The following ARHGAP22 variants were observed in gnomAD, a reference collection of about 807,000 sequenced individuals.
ARHGAP22 encodes Rho GTPase activating protein 22, also known as rho GTPase-activating protein 22.
Under a neutral mutation model 59.1 loss-of-function variants are expected in ARHGAP22, and 48 were observed. The ratio of observed to expected loss-of-function variants is 0.81; its 90% CI spans 0.64 to 1.03. The LOEUF is 1.03. Among genes scored for constraint, ARHGAP22 ranks in the 50% least tolerant of loss-of-function variants. ARHGAP22 has a pLI of 0.00. For synonymous variants in ARHGAP22, 445 were observed against 416.4 expected (o/e 1.07, Z -0.84); for missense variants, 1,015 against 958.7 (o/e 1.06, Z -0.78).
intron 9 of ARHGAP22, among the ~76,000 whole-genome samples, chr10:48,446,993 C>T (rs1457870550): frequency 6.6e-6 from 1 of 152,170 alleles, no homozygotes; most frequent in African/African-American, 2.4e-5. Context: ...GGCCTTTGCT[C>T]CTGTGCTGTG....
chr10:48,639,014 T>C (rs1338016712), intron 1 of ARHGAP22, among the ~76,000 whole-genome samples: 1 of 152,234 alleles, frequency 6.6e-6, no homozygotes, highest in Non-Finnish European at 1.5e-5. Flanking sequence ...ATCAGAAAAG[T>C]AGTTATGCTT....
At chr10:48,535,396 C>T (rs1304213674) in intron 3 of ARHGAP22, among the ~76,000 whole-genome samples, 1 of 152,322 alleles carries the variant, frequency 6.6e-6, no homozygotes, top group African/African-American at 2.4e-5. Flanking sequence ...CCTTCTAGGA[C>T]CTCAGTGTCC....
At chr10:48,576,813 C>T (rs1329479527) in intron 2 of ARHGAP22, among the ~76,000 whole-genome samples, 1 of 152,070 alleles carries the variant, frequency 6.6e-6, no homozygotes, top group Non-Finnish European at 1.5e-5. Context: ...TTATGTTACT[C>T]CTTTTTGATT....
chr10:48,472,973 T>C (rs1447097189), intron 4 of ARHGAP22, among the ~76,000 whole-genome samples: 1 of 152,186 alleles, frequency 6.6e-6, no homozygotes, highest in Non-Finnish European at 1.5e-5. Flanking sequence ...TACCATATGA[T>C]CTAGCAATCC....
At chr10:48,652,260 C>G in exon 1 of ARHGAP22, 1 of 1,535,644 alleles carries the variant, frequency 6.5e-7, no homozygotes. Context: ...AAACGTCCTC[C>G]TTTTGCTGGA....
At chr10:48,433,034 T>A in the ARHGAP22 span, among the ~76,000 whole-genome samples, 1 of 152,202 alleles carries the variant, frequency 6.6e-6, no homozygotes. Flanking sequence ...TGCCTTCCTA[T>A]CTTTGTTTTG....
chr10:48,482,293 T>C (rs1378328171), intron 3 of ARHGAP22, among the ~76,000 whole-genome samples: 2 of 152,228 alleles, frequency 1.3e-5, no homozygotes, highest in East Asian at 1.9e-4. Flanking sequence ...GAAGGTGTAA[T>C]TGAAGTTCAT....
intron 3 of ARHGAP22, among the ~76,000 whole-genome samples, chr10:48,490,926 T>C (rs1399446500): frequency 2.0e-5 from 3 of 152,132 alleles, no homozygotes; most frequent in Admixed American, 6.5e-5. Flanking sequence ...CTCCTATCCA[T>C]TCCTCTCAGC....
chr10:48,572,481 C>T (rs550249769), intron 2 of ARHGAP22, among the ~76,000 whole-genome samples: 1 of 152,222 alleles, frequency 6.6e-6, no homozygotes, highest in Admixed American at 6.5e-5. Flanking sequence ...ACACAGAGGG[C>T]CTTCATGTCC....
chr10:48,593,651 A>C (rs538453581), intron 1 of ARHGAP22, among the ~76,000 whole-genome samples: 1 of 152,254 alleles, frequency 6.6e-6, no homozygotes, highest in African/African-American at 2.4e-5. Flanking sequence ...GAGAGGATTC[A>C]TGTGCTGGGC....
intron 3 of ARHGAP22, among the ~76,000 whole-genome samples, chr10:48,553,386 T>C (rs1443702674): frequency 6.6e-6 from 1 of 152,216 alleles, no homozygotes; most frequent in African/African-American, 2.4e-5. Flanking sequence ...GGAACTTTCC[T>C]TCCCATAACA....
At chr10:48,432,725 G>A in the ARHGAP22 span, among the ~76,000 whole-genome samples, 272 of 152,280 alleles carry the variant, frequency 1.8e-3, 1 homozygote, top group African/African-American at 6.3e-3. Flanking sequence ...ATGAGTTAGA[G>A]CATTTGTATT....
chr10:48,593,242 C>T (rs749330654), intron 1 of ARHGAP22, among the ~76,000 whole-genome samples: 80 of 152,334 alleles, frequency 5.3e-4, no homozygotes, highest in Non-Finnish European at 9.3e-4. Context: ...TCCATTTCTC[C>T]TTCCTGCTTT....
chr10:48,638,755 C>T (rs960307827), intron 1 of ARHGAP22, among the ~76,000 whole-genome samples: 2 of 152,126 alleles, frequency 1.3e-5, no homozygotes, highest in African/African-American at 4.8e-5. Flanking sequence ...CTTCCCCTTC[C>T]CCTCCTAATT....
the ARHGAP22 span, chr10:48,434,795 A>G: frequency 8.3e-7 from 1 of 1,205,670 alleles, no homozygotes; most frequent in Non-Finnish European, 1.1e-6. Flanking sequence ...AAGAGAAAAA[A>G]ATTACCACTG....
intron 4 of ARHGAP22, among the ~76,000 whole-genome samples, chr10:48,466,282 C>T (rs1308140841): frequency 1.3e-5 from 2 of 151,208 alleles, no homozygotes; most frequent in Non-Finnish European, 2.9e-5. Context: ...CCCCCCCAGA[C>T]TCTAAGTCCT....
chr10:48,533,127 C>T (rs2055015351), intron 3 of ARHGAP22, among the ~76,000 whole-genome samples: 1 of 151,556 alleles, frequency 6.6e-6, no homozygotes, highest in Admixed American at 6.6e-5. Flanking sequence ...CCCGTACTGA[C>T]CCTCATCAAC....
intron 3 of ARHGAP22, among the ~76,000 whole-genome samples, chr10:48,483,689 CTTT>C (rs1219913324): frequency 6.6e-6 from 1 of 151,966 alleles, no homozygotes; most frequent in Non-Finnish European, 1.5e-5. Context: ...TGTATGTCTT[CTTT>C]TGTGGAATGT....
rs573643059 is a variant in ARHGAP22, at chr10:48,636,335, G to A, written c.52+15899C>T. ...CTGCATCCATGCTGTCTGTGTGCCT[G>A]TGTCCCATGCTTGGTGCTTGTGCAG... On this transcript the variant is annotated intron_variant, in intron 1 of 9. Coordinates refer to the ARHGAP22 transcript ENST00000435790. 9.8e-5 allele frequency among the ~76,000 whole-genome samples: 15 copies of A among 152,318 alleles called. No homozygotes were observed. In the South Asian group the frequency reaches 3.1e-3, roughly 32 times the overall value.
Sources: allele counts gnomAD v4.1 joint callset (sites outside exome capture counted in the v4.1 genomes callset), GRCh38; gene constraint gnomAD v4.1.1; transcripts MANE v1.5; gene names NCBI Gene and HGNC (gene_info 2026-07-23, HGNC 2026-07-21).